Variants in BCAP29 observed in about 807,000 individuals in gnomAD.
BCAP29 encodes the protein B-cell receptor-associated protein 29.
In BCAP29, 34 loss-of-function variants were observed where a neutral mutation model predicts 31.8. That is an observed-to-expected ratio of 1.07 (90% CI 0.81 to 1.42). The LOEUF is 1.42. Ranked by LOEUF, BCAP29 falls within the 40% of genes most tolerant of loss-of-function variation. The pLI, the probability that BCAP29 is intolerant of heterozygous loss-of-function variation, is 0.00. For synonymous variants in BCAP29, 104 were observed against 91.3 expected, an observed-to-expected ratio of 1.14 and a Z score of -0.79; for missense variants, 314 against 269.2, an observed-to-expected ratio of 1.17 and a Z score of -1.16.
chr7:107,598,347 G>A (rs538426168), intron 5 of BCAP29, among the ~76,000 whole-genome samples: 1 of 152,212 alleles, frequency 6.6e-6, no homozygotes, highest in South Asian at 2.1e-4. Context: ...CTTTTAATTT[G>A]AGAAGATATG....
intron 7 of BCAP29, among the ~76,000 whole-genome samples, chr7:107,614,942 A>T (rs1352775878): frequency 1.3e-5 from 2 of 152,246 alleles, no homozygotes; most frequent in Non-Finnish European, 2.9e-5. Context: ...GTCACTTCAG[A>T]GACCTCTTGC....
At chr7:107,598,894 T>TACACACACACAC (rs59376183) in intron 5 of BCAP29, among the ~76,000 whole-genome samples, 1 of 139,100 alleles carries the variant, frequency 7.2e-6, no homozygotes, top group African/African-American at 2.7e-5. Flanking sequence ...CAATACAGTA[T>TACACACACACAC]ACACACACAC....
chr7:107,622,736 A>T (rs1340248473), downstream of BCAP29: 1 of 152,198 alleles, frequency 6.6e-6, no homozygotes, highest in Non-Finnish European at 1.5e-5. Context: ...TAACCAGGGG[A>T]ATGCTCCTAG....
chr7:107,583,172 G>T (rs955751462), intron 2 of BCAP29, among the ~76,000 whole-genome samples: 2 of 151,670 alleles, frequency 1.3e-5, no homozygotes, highest in African/African-American at 4.9e-5. Context: ...GGATTATTTT[G>T]CCACTTTGCC....
At chr7:107,604,634 G>T (rs1811745850) in intron 6 of BCAP29, among the ~76,000 whole-genome samples, 1 of 150,984 alleles carries the variant, frequency 6.6e-6, no homozygotes, top group African/African-American at 2.4e-5. Flanking sequence ...AATTATTAAT[G>T]CTTAAAAACA....
At chr7:107,617,364 T>C (rs1814374235) in intron 7 of BCAP29, among the ~76,000 whole-genome samples, 1 of 152,150 alleles carries the variant, frequency 6.6e-6, no homozygotes, top group African/African-American at 2.4e-5. Context: ...TTAAATCCTT[T>C]TGGATTTCCC....
chr7:107,612,437 ATATT>A (rs1554480153), intron 6 of BCAP29, among the ~76,000 whole-genome samples: 2 of 113,252 alleles, frequency 1.8e-5, no homozygotes, highest in East Asian at 2.6e-4. Context: ...ATATATATAT[ATATT>A]TATTTTACTT....
At position 107,620,346 on chromosome 7, in the gene BCAP29, G is replaced by T. The variant is rs1292689140; in HGVS notation, c.*1983G>T. On this transcript the variant is annotated 3_prime_UTR_variant, in exon 8 of 8. Transcript: ENST00000005259. ...AGTGTATTAGCCGGCTGTGGCTCCA[G>T]AGTCTGTGCCCTTTACCACCGTGCC... 1 of 152,180 alleles carries T rather than the reference G, an allele frequency of 6.6e-6. No homozygotes were observed. Among genetic ancestry groups the T allele is most frequent in the Non-Finnish European group, 1.5e-5 (1 of 68,050 alleles). The allele number at this position is 152,180 out of a possible 1,614,324, so 9.4% of individuals were successfully genotyped here.
intron 6 of BCAP29, among the ~76,000 whole-genome samples, chr7:107,602,020 A>G (rs915318069): frequency 2.0e-5 from 3 of 152,226 alleles, no homozygotes; most frequent in Non-Finnish European, 4.4e-5. Flanking sequence ...TTAGTATTAC[A>G]TGAGCATTTC....
intron 3 of BCAP29, among the ~76,000 whole-genome samples, chr7:107,593,171 G>A (rs1563129822): frequency 6.6e-6 from 1 of 152,156 alleles, no homozygotes; most frequent in Non-Finnish European, 1.5e-5. Flanking sequence ...GACTTCTGTT[G>A]GTCGCATGAA....
chr7:107,595,933 TAAAACTC>T lies in BCAP29; in HGVS notation c.414_420del (p.Thr139GlnfsTer18), dbSNP rs762565848. ...AAGAACTGTCAAACAAAGGTGTACT[TAAAACTC>T]AAGCAGAAAATACTAACAAGGCTGC... On this transcript the variant is annotated frameshift_variant, in exon 5 of 8. Transcript: ENST00000005259. LOFTEE classifies it high-confidence loss of function. 1.3e-6 allele frequency: 2 copies of T among 1,599,224 alleles called. No homozygotes were observed. The highest frequency in any genetic ancestry group is 2.7e-5 in the African/African-American group (2 of 73,940).
chr7:107,594,064 A>G lies in BCAP29; in HGVS notation c.303A>G (p.Gln101=). 1.9e-6 allele frequency: 3 copies of G among 1,613,382 alleles called. No individual in the cohort carries two copies. Among genetic ancestry groups the G allele is most frequent in the Non-Finnish European group, 2.5e-6 (3 of 1,179,496 alleles). The change falls in exon 4 of 8, where the codon CAA becomes CAG. Residue 101 remains glutamine, a synonymous_variant. Transcript: ENST00000005259. ...CACAGATGAAACTTTTTAGGTCTCA[A>G]AGAAATCTTTACATTTCTGGATTTT... is the stretch of plus-strand genomic sequence containing the variant. ...EHTQMKLFRS[Q]RNLYISGFSL...
At chr7:107,595,021 G>A (rs1278910457) in intron 4 of BCAP29, among the ~76,000 whole-genome samples, 1 of 152,088 alleles carries the variant, frequency 6.6e-6, no homozygotes, top group East Asian at 1.9e-4. Context: ...TCTTGCAACA[G>A]ATATTGATTG....
In BCAP29 at chr7:107,595,886, A is replaced by C; in HGVS notation, c.364A>C (p.Thr122Pro). 6.2e-7 allele frequency: 1 copy of C among 1,601,510 alleles called. No homozygotes were observed. Among genetic ancestry groups the C allele is most frequent in the South Asian group, 1.1e-5 (1 of 87,988 alleles). ...FFWLVLRRLVTLITQLAKELS... is the reference protein window; with the variant it reads ...FFWLVLRRLVPLITQLAKELS... ...TCTTAGAGTTTTGAGACGTCTGGTT[A>C]CGCTTATTACTCAACTGGCAAAAGA... Residue 122 changes from threonine (T) to proline (P), a missense_variant, in exon 5 of 8, where the codon ACG becomes CCG. Transcript: ENST00000005259.
intron 5 of BCAP29, among the ~76,000 whole-genome samples, chr7:107,598,375 G>C (rs1193359097): frequency 1.3e-5 from 2 of 152,118 alleles, no homozygotes; most frequent in Non-Finnish European, 2.9e-5. Context: ...TTTAGTTTCA[G>C]AATGTATTTC....
chr7:107,611,649 A>G (rs992330050), intron 6 of BCAP29, among the ~76,000 whole-genome samples: 20 of 152,202 alleles, frequency 1.3e-4, no homozygotes, highest in Admixed American at 1.3e-3. Flanking sequence ...ATAACTCTTT[A>G]TGTTGTGAAG....
chr7:107,613,180 G>A (rs1813535724), intron 6 of BCAP29, 152 bp from the exon 7 acceptor site: 1 of 580,784 alleles, frequency 1.7e-6, no homozygotes, highest in African/African-American at 1.9e-5. Flanking sequence ...AATAGTGTGT[G>A]TGAAGAGAGA....
chr7:107,616,770 A>T (rs1814234372), intron 7 of BCAP29, among the ~76,000 whole-genome samples: 1 of 151,814 alleles, frequency 6.6e-6, no homozygotes, highest in Admixed American at 6.6e-5. Context: ...ACAGTGTCTC[A>T]CTCTGTCACC....
chr7:107,599,182 T>G, intron 5 of BCAP29, among the ~76,000 whole-genome samples: 1 of 95,394 alleles, frequency 1.0e-5, no homozygotes, highest in East Asian at 2.8e-4. Context: ...TATATTAAAA[T>G]TTATATGTAT....
Sources: gnomAD v4.1 joint callset for allele counts (sites outside exome capture counted in the v4.1 genomes callset) on GRCh38, gnomAD v4.1.1 for gene constraint, MANE v1.5 for transcripts, NCBI Gene and HGNC (gene_info 2026-07-23, HGNC 2026-07-21) for gene names.